XYLT1: variants seen among roughly 807,000 people sequenced by gnomAD.
XYLT1 encodes beta-D-xylosyltransferase 1.
Under a neutral mutation model 91.3 loss-of-function variants are expected in XYLT1, and 36 were observed. The observed-to-expected ratio is 0.39, with a 90% CI of 0.30 to 0.52. The LOEUF (loss-of-function observed/expected upper bound fraction) is 0.52. XYLT1 is among the 20% of genes least tolerant of loss of function. The probability of loss-of-function intolerance (pLI) is 0.68; values close to 1 mark genes in which losing one functional copy is unlikely to be tolerated. For missense variants in XYLT1, 1,242 were observed against 1,284.5 expected, an observed-to-expected ratio of 0.97 and a Z score of 0.51; for synonymous variants, 588 against 532.0, an observed-to-expected ratio of 1.11 and a Z score of -1.45.
intron 6 of XYLT1, among the ~76,000 whole-genome samples, chr16:17,146,162 C>T (rs2031127156): frequency 6.6e-6 from 1 of 152,212 alleles, no homozygotes; most frequent in Non-Finnish European, 1.5e-5. Context: ...CTTGAAACCT[C>T]ATTAGTAAAC....
At chr16:17,234,447 C>T (rs1189572273) in intron 3 of XYLT1, among the ~76,000 whole-genome samples, 4 of 152,068 alleles carry the variant, frequency 2.6e-5, no homozygotes, top group Admixed American at 6.6e-5. Flanking sequence ...AGCTATCACC[C>T]GTTTGCCTAA....
chr16:17,245,435 G>A (rs1406405905), intron 3 of XYLT1, among the ~76,000 whole-genome samples: 1 of 152,106 alleles, frequency 6.6e-6, no homozygotes, highest in Non-Finnish European at 1.5e-5. Context: ...TTCTGATTTA[G>A]GGCAACATAA....
intron 1 of XYLT1, among the ~76,000 whole-genome samples, chr16:17,453,922 G>A (rs536291005): frequency 2.6e-5 from 4 of 152,288 alleles, no homozygotes; most frequent in South Asian, 4.1e-4. Flanking sequence ...AGTTGACATC[G>A]GGCTTGTTCC....
chr16:17,364,443 T>C (rs535976559), intron 1 of XYLT1, among the ~76,000 whole-genome samples: 2 of 152,262 alleles, frequency 1.3e-5, no homozygotes, highest in East Asian at 3.9e-4. Flanking sequence ...TAAAAATAAA[T>C]ACTGTACATA....
intron 10 of XYLT1, among the ~76,000 whole-genome samples, chr16:17,121,823 C>T (rs2030065517): frequency 6.6e-6 from 1 of 152,192 alleles, no homozygotes; most frequent in Admixed American, 6.5e-5. Context: ...GCTTAGCTCC[C>T]TCTTATGAGT....
chr16:17,461,515 G>C (rs905841390), intron 1 of XYLT1, among the ~76,000 whole-genome samples: 1 of 152,222 alleles, frequency 6.6e-6, no homozygotes, highest in Non-Finnish European at 1.5e-5. Flanking sequence ...CAGGAGTGGA[G>C]GATGGGTAGA....
chr16:17,327,373 T>TG (rs2034823202), intron 2 of XYLT1, among the ~76,000 whole-genome samples: 1 of 147,732 alleles, frequency 6.8e-6, no homozygotes. Context: ...TTTTTTTTTT[T>TG]TTTTTTTGAG....
chr16:17,267,861 C>G (rs978569586), intron 2 of XYLT1, among the ~76,000 whole-genome samples: 2 of 151,990 alleles, frequency 1.3e-5, no homozygotes, highest in South Asian at 4.2e-4. Context: ...AATGAGTACC[C>G]AATCTAATGA....
intron 10 of XYLT1, among the ~76,000 whole-genome samples, chr16:17,124,967 T>C (rs2030207188): frequency 1.3e-5 from 2 of 152,244 alleles, no homozygotes. Context: ...ATTTAGGCTA[T>C]ATTTCACTGG....
At chr16:17,388,848 C>T (rs1469899328) in intron 1 of XYLT1, among the ~76,000 whole-genome samples, 1 of 152,186 alleles carries the variant, frequency 6.6e-6, no homozygotes, top group Non-Finnish European at 1.5e-5. Flanking sequence ...TGTGCTGGCT[C>T]ACGCTCAGTG....
Position 17,310,542 on chromosome 16 carries a change from A to T in XYLT1, c.402+47470T>A, listed in dbSNP as rs147384726. ...AGGGTCAGTAAACATCTGTGGAATA[A>T]GTAAGTGCATAAATGGGGAAAAGGC... On this transcript the variant is annotated intron_variant, in intron 2 of 11. Coordinates refer to ENST00000261381, the MANE Select transcript of XYLT1 (RefSeq NM_022166.4). Among the ~76,000 whole-genome samples the T allele has an allele frequency of 5.9e-5, 9 of 152,292 alleles. No individual in the cohort carries two copies. In the East Asian group the frequency reaches 1.7e-3, roughly 29 times the overall value.
chr16:17,367,823 C>T (rs2035474692), intron 1 of XYLT1, among the ~76,000 whole-genome samples: 3 of 152,178 alleles, frequency 2.0e-5, no homozygotes, highest in Admixed American at 2.0e-4. Flanking sequence ...TGAATCAAAC[C>T]CATCACTGTT....
At chr16:17,298,619 C>T (rs1013312063) in intron 2 of XYLT1, among the ~76,000 whole-genome samples, 2 of 152,150 alleles carry the variant, frequency 1.3e-5, no homozygotes, top group Non-Finnish European at 1.5e-5. Flanking sequence ...TGAGTTGGGA[C>T]AGTCAGCTCT....
At chr16:17,135,028 A>G (rs962623820) in intron 8 of XYLT1, among the ~76,000 whole-genome samples, 3 of 152,232 alleles carry the variant, frequency 2.0e-5, no homozygotes, top group African/African-American at 4.8e-5. Context: ...TTAGATGGTA[A>G]TAGCTGGGAT....
intron 3 of XYLT1, among the ~76,000 whole-genome samples, chr16:17,234,313 C>T (rs2033212445): frequency 6.6e-6 from 1 of 152,122 alleles, no homozygotes; most frequent in African/African-American, 2.4e-5. Flanking sequence ...CAAAATCATC[C>T]CTCCATTTCA....
At chr16:17,322,772 A>C (rs970551275) in intron 2 of XYLT1, among the ~76,000 whole-genome samples, 3 of 152,102 alleles carry the variant, frequency 2.0e-5, no homozygotes, top group Non-Finnish European at 4.4e-5. Context: ...ATAGCATTTC[A>C]CACTTTAAAA....
intron 2 of XYLT1, among the ~76,000 whole-genome samples, chr16:17,357,121 A>T (rs1567390638): frequency 7.0e-6 from 1 of 142,188 alleles, no homozygotes; most frequent in African/African-American, 2.6e-5. Context: ...AGCTTGCAGT[A>T]AGCCGAGATC....
chr16:17,409,548 T>TC (rs1402950638), intron 1 of XYLT1, among the ~76,000 whole-genome samples: 1 of 133,216 alleles, frequency 7.5e-6, no homozygotes, highest in Non-Finnish European at 1.7e-5. Context: ...TTGAGACACT[T>TC]TTTTTTTTTT....
intron 6 of XYLT1, among the ~76,000 whole-genome samples, chr16:17,151,801 G>T (rs1597154505): frequency 6.6e-6 from 1 of 152,226 alleles, no homozygotes; most frequent in East Asian, 1.9e-4. Context: ...AGAGAAGAGA[G>T]AGAAACTTCT....
Sources: allele counts gnomAD v4.1 joint callset (sites outside exome capture counted in the v4.1 genomes callset), GRCh38; gene constraint gnomAD v4.1.1; transcripts MANE v1.5; gene names NCBI Gene and HGNC (gene_info 2026-07-23, HGNC 2026-07-21).